AKAP13: variants seen among roughly 807,000 people sequenced by gnomAD.
AKAP13 encodes the protein A-kinase anchor protein 13.
A neutral mutation model predicts 264.5 loss-of-function variants in AKAP13; 80 were observed. The ratio of observed to expected loss-of-function variants is 0.30; its 90% CI spans 0.25 to 0.36. The LOEUF is 0.36. Among genes scored for constraint, AKAP13 ranks in the 10% least tolerant of loss-of-function variants. AKAP13 has a pLI of 1.00. For missense variants in AKAP13, 3,712 were observed against 3,435.2 expected, an observed-to-expected ratio of 1.08 and a Z score of -2.01; for synonymous variants, 1,380 against 1,250.2, an observed-to-expected ratio of 1.10 and a Z score of -2.19.
intron 8 of AKAP13, among the ~76,000 whole-genome samples, chr15:85,600,495 C>G (rs1167672035): frequency 6.6e-6 from 1 of 152,054 alleles, no homozygotes; most frequent in African/African-American, 2.4e-5. Context: ...TACACAATTA[C>G]TTGGAGGAAA....
At position 85,506,516 on chromosome 15, in the gene AKAP13, A is replaced by G. The variant is rs568982804; in HGVS notation, c.34-14912A>G. 2.1e-5 allele frequency among the ~76,000 whole-genome samples: 3 copies of G among 142,356 alleles called. No individual in the cohort carries two copies. In the South Asian group the frequency reaches 6.5e-4, roughly 31 times the overall value. The allele number at this position is 142,356 out of a possible 152,430, so 93.4% of individuals were successfully genotyped here. ...AATACATGCTTTTAGAATTTTATATATACATATAGGTATAATATATAATGT... is the reference window on the plus strand; with the variant it reads ...AATACATGCTTTTAGAATTTTATATGTACATATAGGTATAATATATAATGT... On this transcript the variant is annotated intron_variant, in intron 2 of 36. Coordinates refer to ENST00000394518, the MANE Select transcript of AKAP13 (RefSeq NM_007200.5).
intron 2 of AKAP13, among the ~76,000 whole-genome samples, chr15:85,519,521 C>G (rs1317419814): frequency 6.6e-6 from 1 of 152,150 alleles, no homozygotes; most frequent in African/African-American, 2.4e-5. Flanking sequence ...ATACACGCTG[C>G]AAAAACATCT....
At chr15:85,586,923 T>A (rs4843077) in intron 8 of AKAP13, among the ~76,000 whole-genome samples, 93 of 149,620 alleles carry the variant, frequency 6.2e-4, no homozygotes, top group Non-Finnish European at 1.0e-3. Flanking sequence ...GCACGACACC[T>A]TCTCAAAAAA....
chr15:85,697,825 T>C (rs2085649901), intron 17 of AKAP13, among the ~76,000 whole-genome samples: 1 of 152,208 alleles, frequency 6.6e-6, no homozygotes, highest in South Asian at 2.1e-4. Flanking sequence ...TAGAAAGTCT[T>C]AATGACTTCA....
At chr15:85,434,276 G>A (rs2073164150) in intron 1 of AKAP13, among the ~76,000 whole-genome samples, 1 of 152,172 alleles carries the variant, frequency 6.6e-6, no homozygotes, top group South Asian at 2.1e-4. Context: ...CTTAAAAAAC[G>A]GCGAACCACG....
intron 14 of AKAP13, among the ~76,000 whole-genome samples, chr15:85,681,809 C>T (rs2084615811): frequency 6.6e-6 from 1 of 151,958 alleles, no homozygotes; most frequent in African/African-American, 2.4e-5. Flanking sequence ...CCTATGATGT[C>T]ATCTCAGAAG....
At chr15:85,721,187 A>C (rs2087258076) in intron 23 of AKAP13, among the ~76,000 whole-genome samples, 1 of 152,176 alleles carries the variant, frequency 6.6e-6, no homozygotes, top group South Asian at 2.1e-4. Context: ...AGTTTAACTC[A>C]TAGTATCCGT....
Position 85,559,354 on chromosome 15 carries a change from A to G in AKAP13, c.662+15399A>G, listed in dbSNP as rs138151047. ...GAAATCTCTATTTCAGTGGTCCCCA[A>G]TTTTTTTTGGCACCAGGGACTGGTT... On this transcript the variant is annotated intron_variant, in intron 5 of 36. Transcript: ENST00000394518. 6.4e-3 allele frequency among the ~76,000 whole-genome samples: 969 copies of G among 151,938 alleles called. 11 individuals are homozygous for G. Among genetic ancestry groups the G allele is most frequent in the African/African-American group, 0.022 (907 of 41,456 alleles).
At chr15:85,542,338 C>G (rs2077602760) in intron 4 of AKAP13, among the ~76,000 whole-genome samples, 1 of 152,070 alleles carries the variant, frequency 6.6e-6, no homozygotes, top group Non-Finnish European at 1.5e-5. Context: ...GGAAAATATA[C>G]AATATGAAAA....
intron 3 of AKAP13, among the ~76,000 whole-genome samples, chr15:85,527,494 T>C (rs2077108470): frequency 6.6e-6 from 1 of 152,224 alleles, no homozygotes. Context: ...GAGAATAATG[T>C]CTGAAAAGGC....
rs562265403 is a variant in AKAP13, at chr15:85,633,883, T to G, written c.4162-5491T>G. On this transcript the variant is annotated intron_variant, in intron 8 of 36. Coordinates refer to ENST00000394518, the MANE Select transcript of AKAP13 (RefSeq NM_007200.5). ...AGGAAAATGTGTTGTTTCAATTCTTTGAAAGATGTGGATAGGGTGTTGGTA... is the reference window on the plus strand; with the variant it reads ...AGGAAAATGTGTTGTTTCAATTCTTGGAAAGATGTGGATAGGGTGTTGGTA... 1.3e-4 allele frequency among the ~76,000 whole-genome samples: 20 copies of G among 152,206 alleles called. No individual in the cohort carries two copies. The South Asian group carries it at 4.1e-3, about 32-fold the overall frequency.
chr15:85,403,580 C>T (rs2071523431), intron 1 of AKAP13, among the ~76,000 whole-genome samples: 2 of 152,096 alleles, frequency 1.3e-5, no homozygotes, highest in South Asian at 4.1e-4. Context: ...GTGGCTCATG[C>T]CTGTAATCCC....
At position 85,735,124 on chromosome 15, in the gene AKAP13, A is replaced by T. The variant is rs1419837402; in HGVS notation, c.7415A>T (p.Asp2472Val). 6.2e-7 allele frequency: 1 copy of T among 1,613,986 alleles called. No individual in the cohort carries two copies. Among genetic ancestry groups the T allele is most frequent in the Non-Finnish European group, 8.5e-7 (1 of 1,179,988 alleles). ...AGAGCAGAGACCTTTGGAGGATTTG[A>T]CAGCCATCAGATGAATGCTTCAAAA... ...PRRAETFGGF[D>V]SHQMNASKGG... Residue 2472 changes from aspartate to valine, a missense_variant, in exon 31 of 37, where the codon GAC becomes GTC. Asp to Val is a radical substitution (Grantham distance 152, BLOSUM62 -3). Coordinates refer to ENST00000394518, the MANE Select transcript of AKAP13 (RefSeq NM_007200.5).
At chr15:85,620,274 C>A in intron 8 of AKAP13, 1 of 1,114,670 alleles carries the variant, frequency 9.0e-7, no homozygotes, top group Non-Finnish European at 1.3e-6. Flanking sequence ...GGGAGAAAGG[C>A]CGAGAAATCT....
At chr15:85,474,610 G>T (rs1464045355) in intron 1 of AKAP13, among the ~76,000 whole-genome samples, 2 of 152,148 alleles carry the variant, frequency 1.3e-5, no homozygotes, top group Non-Finnish European at 2.9e-5. Context: ...GGACTGCTTA[G>T]AATATTGAAG....
At chr15:85,618,791 C>T (rs538331775) in intron 8 of AKAP13, among the ~76,000 whole-genome samples, 100 of 152,258 alleles carry the variant, frequency 6.6e-4, no homozygotes, top group Non-Finnish European at 1.0e-3. Flanking sequence ...TGTTCCACTC[C>T]TTTTCTTTTT....
chr15:85,503,181 G>A (rs1464937328), intron 2 of AKAP13, among the ~76,000 whole-genome samples: 2 of 152,152 alleles, frequency 1.3e-5, no homozygotes, highest in African/African-American at 4.8e-5. Flanking sequence ...CTGGCACATA[G>A]TAAGCATTTG....
intron 1 of AKAP13, among the ~76,000 whole-genome samples, chr15:85,432,921 G>A (rs1462457085): frequency 1.3e-5 from 2 of 151,658 alleles, no homozygotes; most frequent in South Asian, 2.1e-4. Context: ...AGGTATATAG[G>A]TGATGGTTAC....
intron 1 of AKAP13, among the ~76,000 whole-genome samples, chr15:85,471,490 G>A (rs572042717): frequency 7.2e-4 from 110 of 152,094 alleles, no homozygotes; most frequent in African/African-American, 2.6e-3. Flanking sequence ...GTGAGACTCC[G>A]TCTCAAAAAA....
Sources: allele counts gnomAD v4.1 joint callset (sites outside exome capture counted in the v4.1 genomes callset), GRCh38; gene constraint gnomAD v4.1.1; transcripts MANE v1.5; gene names NCBI Gene and HGNC (gene_info 2026-07-23, HGNC 2026-07-21).